The following CNTNAP4 variants were observed in gnomAD, a reference collection of about 807,000 sequenced individuals.
The protein encoded by CNTNAP4 is contactin associated protein family member 4.
A neutral mutation model predicts 148.4 loss-of-function variants in CNTNAP4; 98 were observed. The ratio of observed to expected loss-of-function variants is 0.66; its 90% CI spans 0.56 to 0.78. CNTNAP4 has a LOEUF of 0.78. CNTNAP4 is among the 30% of genes least tolerant of loss of function. The pLI, the probability that CNTNAP4 is intolerant of heterozygous loss-of-function variation, is 0.00. For synonymous variants in CNTNAP4, 730 were observed against 565.1 expected, an observed-to-expected ratio of 1.29 and a Z score of -4.14; for missense variants, 1,935 against 1,565.6, an observed-to-expected ratio of 1.24 and a Z score of -3.98.
At chr16:76,506,306 C>T (rs1469711714) in intron 15 of CNTNAP4, among the ~76,000 whole-genome samples, 2 of 93,806 alleles carry the variant, frequency 2.1e-5, no homozygotes, top group African/African-American at 5.3e-5. Context: ...CACTCCTTAT[C>T]CCAGAGACTG....
intron 10 of CNTNAP4, among the ~76,000 whole-genome samples, chr16:76,469,286 C>G (rs1308599115): frequency 1.3e-5 from 2 of 152,162 alleles, no homozygotes; most frequent in African/African-American, 4.8e-5. Flanking sequence ...CCTCAACTGG[C>G]TAGATTTGGG....
At chr16:76,531,576 CA>C (rs1269899135) in intron 17 of CNTNAP4, among the ~76,000 whole-genome samples, 1 of 152,166 alleles carries the variant, frequency 6.6e-6, no homozygotes, top group Non-Finnish European at 1.5e-5. Flanking sequence ...AATTGGAAGA[CA>C]GTTCCAAACG....
intron 1 of CNTNAP4, among the ~76,000 whole-genome samples, chr16:76,315,761 A>T (rs968902805): frequency 2.6e-5 from 4 of 151,686 alleles, no homozygotes; most frequent in Non-Finnish European, 5.9e-5. Context: ...CACCCTGCTA[A>T]TTTTTTTATT....
At position 76,467,418 on chromosome 16, in the gene CNTNAP4, G is replaced by C. The variant is rs761393383; in HGVS notation, c.1550G>C (p.Arg517Thr). ...CTTGGTGGATTTCAGGGATGTATGA[G>C]GCTCATTTCTATCAGCGGCAAAGTG... ...SPLGGFQGCM[R>T]LISISGKVVD... Residue 517 changes from arginine (R) to threonine (T), a missense_variant, in exon 10 of 24, where the codon AGG (arginine) becomes ACG (threonine). Transcript: ENST00000611870. The C allele has an allele frequency of 3.7e-6, 6 of 1,613,856 alleles. No individual in the cohort carries two copies. The Admixed American group carries it at 1.0e-4, about 27-fold the overall frequency.
At chr16:76,332,745 T>A (rs557909356) in intron 2 of CNTNAP4, among the ~76,000 whole-genome samples, 1 of 152,284 alleles carries the variant, frequency 6.6e-6, no homozygotes, top group Non-Finnish European at 1.5e-5. Flanking sequence ...TTTTCCTTTT[T>A]ATCATATTCA....
rs1177246001 is a variant in CNTNAP4, at chr16:76,538,168, A to T, written c.3048A>T (p.Glu1016Asp). The change falls in exon 19 of 24, where the codon GAA becomes GAT. Residue 1016 changes from glutamate to aspartate, a missense_variant. Glu to Asp is a conservative substitution (Grantham distance 45, BLOSUM62 2). Transcript: ENST00000611870. ...CATCCGTGATATACAATTTTCAAGAAAATTATCTTTTAAGTAAAAACTCCA... is the reference window on the plus strand; with the variant it reads ...CATCCGTGATATACAATTTTCAAGATAATTATCTTTTAAGTAAAAACTCCA... ...SGSSVIYNFQ[E>D]NYLLSKNSSS... 9 of 1,597,904 alleles carry T rather than the reference A, an allele frequency of 5.6e-6. No individual in the cohort carries two copies. The highest frequency in any genetic ancestry group is 6.8e-6 in the Non-Finnish European group (8 of 1,173,724).
intron 3 of CNTNAP4, among the ~76,000 whole-genome samples, chr16:76,397,189 A>G (rs2078232416): frequency 1.3e-5 from 2 of 152,000 alleles, no homozygotes; most frequent in South Asian, 2.1e-4. Flanking sequence ...ACCTGAACCA[A>G]GAGTCCAAAG....
chr16:76,555,600 T>C (rs2085164844), intron 23 of CNTNAP4, among the ~76,000 whole-genome samples: 1 of 152,228 alleles, frequency 6.6e-6, no homozygotes, highest in Non-Finnish European at 1.5e-5. Context: ...TAGAGTGGTA[T>C]ATAGTCATCA....
chr16:76,504,561 A>G (rs1347110245), intron 15 of CNTNAP4, among the ~76,000 whole-genome samples: 1 of 152,146 alleles, frequency 6.6e-6, no homozygotes, highest in Admixed American at 6.5e-5. Flanking sequence ...GGTTGGGCAT[A>G]GATTTCTTAG....
chr16:76,333,312 A>G (rs1963707452), intron 2 of CNTNAP4, among the ~76,000 whole-genome samples: 1 of 152,176 alleles, frequency 6.6e-6, no homozygotes, highest in Non-Finnish European at 1.5e-5. Flanking sequence ...TTGAATACAT[A>G]TGCTCAATCT....
chr16:76,389,016 A>C (rs1320047188), intron 3 of CNTNAP4, among the ~76,000 whole-genome samples: 2 of 152,256 alleles, frequency 1.3e-5, no homozygotes, highest in Non-Finnish European at 2.9e-5. Flanking sequence ...TTAATGTTAT[A>C]TATGACTAAG....
chr16:76,399,787 T>G (rs2078338616), intron 3 of CNTNAP4, among the ~76,000 whole-genome samples: 1 of 152,232 alleles, frequency 6.6e-6, no homozygotes. Context: ...TATGCTTAAC[T>G]GAATAATTTA....
chr16:76,287,103 G>C (rs1173502355), intron 1 of CNTNAP4, among the ~76,000 whole-genome samples: 1 of 152,164 alleles, frequency 6.6e-6, no homozygotes, highest in African/African-American at 2.4e-5. Context: ...ATCAAAAGAT[G>C]TAAGCTTTTC....
chr16:76,281,680 A>G (rs952739890), intron 1 of CNTNAP4, among the ~76,000 whole-genome samples: 10 of 152,180 alleles, frequency 6.6e-5, no homozygotes, highest in African/African-American at 2.2e-4. Flanking sequence ...TATAACATCT[A>G]TCATAAGATA....
chr16:76,481,446 A>T (rs1353036133), intron 12 of CNTNAP4, among the ~76,000 whole-genome samples: 1 of 152,208 alleles, frequency 6.6e-6, no homozygotes, highest in Admixed American at 6.5e-5. Context: ...TTGGGAAGCC[A>T]GGGCGGGGGC....
At chr16:76,553,540 G>A (rs1227531183) in intron 22 of CNTNAP4, 39 bp downstream of exon 22, 2 of 1,424,486 alleles carry the variant, frequency 1.4e-6, no homozygotes, top group African/African-American at 1.4e-5. Context: ...CACAGACGTA[G>A]CTTGTCCATG....
At chr16:76,367,152 CATAAA>C (rs1361351401) in intron 3 of CNTNAP4, among the ~76,000 whole-genome samples, 3 of 151,682 alleles carry the variant, frequency 2.0e-5, no homozygotes, top group Non-Finnish European at 4.4e-5. Flanking sequence ...TAGGGATTTG[CATAAA>C]ATAGATACAG....
In CNTNAP4 at chr16:76,307,525, T is replaced by TTTAAA. The variant is rs1960615542; in HGVS notation, c.86-8888_86-8887insTTAAA. 3.2e-5 allele frequency among the ~76,000 whole-genome samples: 4 copies of TTTAAA among 126,188 alleles called. No homozygotes were observed. In the Admixed American group the frequency reaches 3.4e-4, roughly 11 times the overall value. 82.8% of individuals were successfully genotyped at this position (126,188 alleles called of 152,430 possible). The stretch of plus-strand genomic sequence containing the variant: ...ATGCATATATATATATATATATATA[T>TTTAAA]ATATATATATATATACCAAACTCCA... On this transcript the variant is annotated intron_variant, in intron 1 of 23. Coordinates refer to ENST00000611870, the MANE Select transcript of CNTNAP4 (RefSeq NM_033401.5).
Position 76,277,466 on chromosome 16 carries a change from G to C in CNTNAP4, c.-197G>C, listed in dbSNP as rs1958518192. 1 of 565,000 alleles carries C rather than the reference G, an allele frequency of 1.8e-6. No individual in the cohort carries two copies. Among genetic ancestry groups the C allele is most frequent in the African/African-American group, 1.9e-5 (1 of 53,032 alleles). The allele number at this position is 565,000 out of a possible 1,614,324, so 35.0% of individuals were successfully genotyped here. ...GAGAGAAAAGAGAGAGACAGAGACGGGGAGAGAGAGAGGGAGAGAGAAGAG... is the reference window on the plus strand; with the variant it reads ...GAGAGAAAAGAGAGAGACAGAGACGCGGAGAGAGAGAGGGAGAGAGAAGAG... On this transcript the variant is annotated 5_prime_UTR_variant, in exon 1 of 24. Transcript: ENST00000611870.
Sources: gnomAD v4.1 joint callset for allele counts (sites outside exome capture counted in the v4.1 genomes callset) on GRCh38, gnomAD v4.1.1 for gene constraint, MANE v1.5 for transcripts, NCBI Gene and HGNC (gene_info 2026-07-23, HGNC 2026-07-21) for gene names.